Variants in IARS2 observed in about 807,000 individuals in gnomAD.
IARS2 encodes isoleucyl-tRNA synthetase 2, mitochondrial, also known as isoleucine--tRNA ligase, mitochondrial.
A neutral mutation model predicts 126.3 loss-of-function variants in IARS2; 56 were observed. That is an observed-to-expected ratio of 0.44 (90% CI 0.36 to 0.55). IARS2 has a LOEUF of 0.55. Among genes scored for constraint, IARS2 ranks in the 20% least tolerant of loss-of-function variants. IARS2 has a pLI of 0.00. For missense variants in IARS2, 1,127 were observed against 1,245.9 expected, an observed-to-expected ratio of 0.90 and a Z score of 1.44; for synonymous variants, 407 against 441.1, an observed-to-expected ratio of 0.92 and a Z score of 0.97.
chr1:220,123,678 C>T (rs1380052157), intron 12 of IARS2, among the ~76,000 whole-genome samples: 3 of 152,020 alleles, frequency 2.0e-5, no homozygotes, highest in Admixed American at 1.3e-4. Flanking sequence ...GGGGTTTCAC[C>T]GTGTTAGCCA....
chr1:220,142,326 C>A (rs772567163), intron 20 of IARS2, among the ~76,000 whole-genome samples: 1 of 152,098 alleles, frequency 6.6e-6, no homozygotes, highest in Admixed American at 6.6e-5. Flanking sequence ...TGGCGAAACC[C>A]CATCTCTACT....
chr1:220,104,970 A>G (rs1018526923), intron 8 of IARS2, among the ~76,000 whole-genome samples: 2 of 152,254 alleles, frequency 1.3e-5, no homozygotes, highest in Admixed American at 6.5e-5. Context: ...TAATCAGTTC[A>G]GATACAAGCC....
At position 220,144,382 on chromosome 1, in the gene IARS2, AT is replaced by A. The variant is rs1657548955; in HGVS notation, c.2752-1121del. On this transcript the variant is annotated intron_variant, in intron 21 of 22. Coordinates refer to ENST00000366922, the MANE Select transcript of IARS2 (RefSeq NM_018060.4). ...GGTGCAGAAAGACGGTGGAAGAGCT[AT>A]TTTTTAAAAGTTTTATTAGTGTCAG... 7 of 609,140 alleles carry A rather than the reference AT, an allele frequency of 1.1e-5. No individual in the cohort carries two copies. The South Asian group carries it at 1.4e-4, about 12-fold the overall frequency. 37.7% of individuals were successfully genotyped at this position (609,140 alleles called of 1,614,324 possible). A position where few individuals can be genotyped will look rare whatever the true frequency, so the allele number is the denominator to read the frequency against.
rs373322098 is a variant in IARS2, at chr1:220,147,573, T to C, written c.2977T>C (p.Tyr993His). The C allele has an allele frequency of 6.8e-6, 11 of 1,613,962 alleles. No individual in the cohort carries two copies. The African/African-American group carries it at 1.2e-4, about 18-fold the overall frequency. ...TKEKCPRCWK[Y>H]TAESSDTLCP... is the part of the protein sequence containing the mutation. Reference sequence around the variant, plus strand: ...AGAAAAATGCCCCCGTTGTTGGAAGTATACAGCGGAGTCTTCAGATACACT... The same window carrying C: ...AGAAAAATGCCCCCGTTGTTGGAAGCATACAGCGGAGTCTTCAGATACACT... Residue 993 changes from tyrosine to histidine, a missense_variant, in exon 23 of 23, where the codon TAT (tyrosine) becomes CAT (histidine). Physicochemically the swap from Tyr to His is moderately conservative, Grantham distance 83 (BLOSUM62 2). Coordinates refer to ENST00000366922, the MANE Select transcript of IARS2 (RefSeq NM_018060.4).
intron 11 of IARS2, 121 bp from the exon 12 acceptor site, chr1:220,114,193 T>G: frequency 1.3e-6 from 1 of 793,036 alleles, no homozygotes; most frequent in Non-Finnish European, 2.1e-6. Context: ...GAGGGGAGGG[T>G]AAGGGAGGTA....
At chr1:220,125,380 C>T (rs200688940) in intron 13 of IARS2, 41 bp downstream of exon 13, 5 of 1,225,254 alleles carry the variant, frequency 4.1e-6, no homozygotes, top group Admixed American at 3.6e-5. Context: ...GTATGTATTA[C>T]AGGACTTAAT....
chr1:220,127,885 T>A (rs1657185600), intron 14 of IARS2, among the ~76,000 whole-genome samples: 1 of 137,128 alleles, frequency 7.3e-6, no homozygotes, highest in Admixed American at 7.1e-5. Flanking sequence ...TTGTAGTGAT[T>A]TTCAGAATTA....
At chr1:220,111,425 T>C (rs1656797162) in intron 11 of IARS2, among the ~76,000 whole-genome samples, 1 of 152,164 alleles carries the variant, frequency 6.6e-6, no homozygotes, top group Admixed American at 6.6e-5. Flanking sequence ...GTTACTGTTC[T>C]GCTTACAAAG....
chr1:220,102,091 A>T (rs201063152), intron 3 of IARS2, 38 bp from the exon 4 acceptor site: 696 of 1,559,890 alleles, frequency 4.5e-4, no homozygotes, highest in Non-Finnish European at 5.7e-4. Context: ...ATTCGAATTC[A>T]TTGGTTTTTT....
At chr1:220,146,207 G>A (rs984587743) in intron 22 of IARS2, among the ~76,000 whole-genome samples, 15 of 152,046 alleles carry the variant, frequency 9.9e-5, no homozygotes, top group African/African-American at 2.9e-4. Flanking sequence ...CATTGGTAGC[G>A]GTAGAGTTGC....
chr1:220,124,163 T>C (rs1657106214), intron 12 of IARS2, among the ~76,000 whole-genome samples: 2 of 152,358 alleles, frequency 1.3e-5, no homozygotes, highest in South Asian at 4.1e-4. Context: ...TAGAGGAAGC[T>C]GTAATAGCAA....
In IARS2 at chr1:220,123,838, A is replaced by G. The variant is rs6658078; in HGVS notation, c.1641-1399A>G. Among the ~76,000 whole-genome samples, 1,065 of 152,314 alleles carry G rather than the reference A, an allele frequency of 7.0e-3. 11 individuals carry two copies. The highest frequency in any genetic ancestry group is 0.023 in the African/African-American group (956 of 41,556). On this transcript the variant is annotated intron_variant, in intron 12 of 22. Coordinates refer to ENST00000366922, the MANE Select transcript of IARS2 (RefSeq NM_018060.4). Reference sequence around the variant, plus strand: ...CTTTCCACAACAATTTTTGGTAAACACTTCATTTATCTGTGAATTATCAGG... The same window carrying G: ...CTTTCCACAACAATTTTTGGTAAACGCTTCATTTATCTGTGAATTATCAGG...
intron 2 of IARS2, among the ~76,000 whole-genome samples, chr1:220,097,365 CTT>C (rs34660784): frequency 1.6e-4 from 21 of 134,432 alleles, no homozygotes; most frequent in Admixed American, 1.5e-4. Flanking sequence ...GTTCTTTTTT[CTT>C]TTTTTTTTTT....
chr1:220,094,571 T>G lies in IARS2; in HGVS notation c.267+88T>G, dbSNP rs927225063. 2.7e-6 allele frequency: 3 copies of G among 1,122,240 alleles called. No homozygotes were observed. The African/African-American group carries it at 4.9e-5, about 18-fold the overall frequency. 69.5% of individuals were successfully genotyped at this position (1,122,240 alleles called of 1,614,324 possible). A position where few individuals can be genotyped will look rare whatever the true frequency, so the allele number is the denominator to read the frequency against. On this transcript the variant is annotated intron_variant, in intron 1 of 22. Coordinates refer to ENST00000366922, the MANE Select transcript of IARS2 (RefSeq NM_018060.4). ...GCTCGCAGGCGCCACACCTCTAGGCTCCACGCCGGTGCGGGTGGGCGGGGG... is the reference window on the plus strand; with the variant it reads ...GCTCGCAGGCGCCACACCTCTAGGCGCCACGCCGGTGCGGGTGGGCGGGGG...
intron 14 of IARS2, among the ~76,000 whole-genome samples, chr1:220,128,863 A>C (rs1257717910): frequency 1.3e-5 from 2 of 151,630 alleles, no homozygotes; most frequent in East Asian, 3.9e-4. Flanking sequence ...TGGCATTAAA[A>C]TCTATCTGAT....
In IARS2 at chr1:220,102,373, A is replaced by C; in HGVS notation, c.710A>C (p.Tyr237Ser). 1 of 1,613,830 alleles carries C rather than the reference A, an allele frequency of 6.2e-7. No homozygotes were observed. The highest frequency in any genetic ancestry group is 8.5e-7 in the Non-Finnish European group (1 of 1,179,930). ...TTTTGTCTTTTATAGGGCTTGGTTTATCGATCTTACAAACCTGTGTTTTGG... is the reference window on the plus strand; with the variant it reads ...TTTTGTCTTTTATAGGGCTTGGTTTCTCGATCTTACAAACCTGTGTTTTGG... ...FYQMYDKGLV[Y>S]RSYKPVFWSP... Residue 237 changes from tyrosine to serine, a missense_variant, in exon 5 of 23, where the codon TAT (tyrosine) becomes TCT (serine). Coordinates refer to ENST00000366922, the MANE Select transcript of IARS2 (RefSeq NM_018060.4).
At chr1:220,102,032 G>T in intron 3 of IARS2, 97 bp from the exon 4 acceptor site, 1 of 1,195,166 alleles carries the variant, frequency 8.4e-7, no homozygotes, top group South Asian at 1.4e-5. Flanking sequence ...ATTCTAAACT[G>T]TCTGTAGCAT....
rs1656872370 is a variant in IARS2, at chr1:220,114,378, A to G, written c.1544A>G (p.Asp515Gly). The change falls in exon 12 of 23, where the codon GAC (aspartate) becomes GGC (glycine). Residue 515 changes from aspartate (D) to glycine (G), a missense_variant. Transcript: ENST00000366922. ...CTGAATGGCATGGTTGAAATGATGG[A>G]CAGGCGGCCATATTGGTGTATATCA... ...SALNGMVEMM[D>G]RRPYWCISRQ... 1 of 1,613,870 alleles carries G rather than the reference A, an allele frequency of 6.2e-7. No homozygotes were observed. Among genetic ancestry groups the G allele is most frequent in the Non-Finnish European group, 8.5e-7 (1 of 1,179,736 alleles).
chr1:220,105,505 A>G (rs1373794496), intron 8 of IARS2, among the ~76,000 whole-genome samples: 1 of 152,172 alleles, frequency 6.6e-6, no homozygotes, highest in African/African-American at 2.4e-5. Context: ...AGTAGTAGGA[A>G]TGTTGAAGAG....
Sources: allele counts gnomAD v4.1 joint callset (sites outside exome capture counted in the v4.1 genomes callset), GRCh38; gene constraint gnomAD v4.1.1; transcripts MANE v1.5; gene names NCBI Gene and HGNC (gene_info 2026-07-23, HGNC 2026-07-21).